VWC2: variants seen among roughly 807,000 people sequenced by gnomAD.
The protein encoded by VWC2 is brorin.
A neutral mutation model predicts 29.8 loss-of-function variants in VWC2; 14 were observed. The observed-to-expected ratio is 0.47, with a 90% CI of 0.31 to 0.74. VWC2 has a LOEUF of 0.74. Among genes scored for constraint, VWC2 ranks in the 30% least tolerant of loss-of-function variants. The probability of loss-of-function intolerance (pLI) is 0.05; values close to 1 mark genes in which losing one functional copy is unlikely to be tolerated. For missense variants in VWC2, 457 were observed against 459.8 expected (o/e 0.99, Z 0.05); for synonymous variants, 213 against 199.0 (o/e 1.07, Z -0.59).
intron 3 of VWC2, among the ~76,000 whole-genome samples, chr7:49,870,643 A>G (rs1791110568): frequency 6.6e-6 from 1 of 152,212 alleles, no homozygotes; most frequent in Admixed American, 6.5e-5. Flanking sequence ...TCACATGTGC[A>G]TCAGGAAGGC....
intron 3 of VWC2, among the ~76,000 whole-genome samples, chr7:49,828,131 T>A (rs1167496719): frequency 6.6e-6 from 1 of 152,192 alleles, no homozygotes; most frequent in East Asian, 1.9e-4. Context: ...ATGAGATGTT[T>A]TATATCTGGC....
Position 49,775,795 on chromosome 7 carries a change from G to C in VWC2, c.360G>C (p.Ala120=), listed in dbSNP as rs994409557. 1.3e-6 allele frequency: 2 copies of C among 1,532,866 alleles called. No individual in the cohort carries two copies. Among genetic ancestry groups the C allele is most frequent in the Non-Finnish European group, 1.8e-6 (2 of 1,140,034 alleles). 95.0% of individuals were successfully genotyped at this position (1,532,866 alleles called of 1,614,324 possible). A position where few individuals can be genotyped will look rare whatever the true frequency, so the allele number is the denominator to read the frequency against. ...QVRPRGDTPQ[A]EALAAAAQDA... ...GGCCCCGCGGGGACACCCCGCAGGC[G>C]GAAGCCCTGGCCGCAGCCGCCCAGG... The change falls in exon 2 of 4, where the codon GCG becomes GCC. Residue 120 remains alanine, a synonymous_variant. Transcript: ENST00000340652.
At chr7:49,789,267 G>A (rs1788404200) in intron 2 of VWC2, among the ~76,000 whole-genome samples, 1 of 144,776 alleles carries the variant, frequency 6.9e-6, no homozygotes, top group Non-Finnish European at 1.5e-5. Context: ...GGGTGTGTGT[G>A]AGCGGGTGTG....
rs1281292067 is a variant in VWC2 at position 49,913,714 on chromosome 7, C to G, written c.*1529C>G. ...TATTAGGAGCCAAACTAGAGACCAGCAAATGGAGATTAGAAAGCCTTCCTA... is the reference window on the plus strand; with the variant it reads ...TATTAGGAGCCAAACTAGAGACCAGGAAATGGAGATTAGAAAGCCTTCCTA... On this transcript the variant is annotated 3_prime_UTR_variant, in exon 4 of 4. Coordinates refer to ENST00000340652, the MANE Select transcript of VWC2 (RefSeq NM_198570.5). The G allele has an allele frequency of 1.3e-5, 2 of 151,934 alleles. No individual in the cohort carries two copies. Among genetic ancestry groups the G allele is most frequent in the East Asian group, 1.9e-4 (1 of 5,184 alleles). 9.4% of individuals were successfully genotyped at this position (151,934 alleles called of 1,614,324 possible). A position where few individuals can be genotyped will look rare whatever the true frequency, so the allele number is the denominator to read the frequency against.
rs369229873 is a variant in VWC2 at position 49,823,314 on chromosome 7, G to C, written c.826+20474G>C. Among the ~76,000 whole-genome samples the C allele has an allele frequency of 5.3e-4, 80 of 152,242 alleles. 1 individual carries two copies. In the South Asian group the frequency reaches 0.011, roughly 21 times the overall value. On this transcript the variant is annotated intron_variant, in intron 3 of 3. Transcript: ENST00000340652. ...GCATCCAGGGACAGGGTAAAAGCAA[G>C]CTGGAATTATACAACCACGAAATGT... is the stretch of plus-strand genomic sequence containing the variant.
At chr7:49,838,847 A>C (rs974973307) in intron 3 of VWC2, among the ~76,000 whole-genome samples, 3 of 152,164 alleles carry the variant, frequency 2.0e-5, no homozygotes, top group Non-Finnish European at 1.5e-5. Flanking sequence ...CAAGGCTGAG[A>C]GGTGATATAT....
intron 2 of VWC2, among the ~76,000 whole-genome samples, chr7:49,781,535 C>T (rs572642771): frequency 1.3e-5 from 2 of 151,678 alleles, no homozygotes; most frequent in South Asian, 2.1e-4. Flanking sequence ...AACTAAGGTC[C>T]GAAAAAGTTA....
chr7:49,888,618 A>G (rs1477625095), intron 3 of VWC2, among the ~76,000 whole-genome samples: 2 of 152,096 alleles, frequency 1.3e-5, no homozygotes, highest in Admixed American at 1.3e-4. Flanking sequence ...GTGTTTATGA[A>G]GTGCACCTTT....
intron 2 of VWC2, among the ~76,000 whole-genome samples, chr7:49,779,175 C>A (rs376438214): frequency 6.6e-6 from 1 of 152,166 alleles, no homozygotes; most frequent in Non-Finnish European, 1.5e-5. Flanking sequence ...TATTTGGCTC[C>A]GGCAGGAGTG....
At chr7:49,825,804 T>C (rs1210876387) in intron 3 of VWC2, among the ~76,000 whole-genome samples, 7 of 152,228 alleles carry the variant, frequency 4.6e-5, no homozygotes, top group African/African-American at 1.7e-4. Context: ...CCTTTAATGA[T>C]AGACTCTTCT....
At chr7:49,841,589 T>C (rs1300559255) in intron 3 of VWC2, among the ~76,000 whole-genome samples, 1 of 152,220 alleles carries the variant, frequency 6.6e-6, no homozygotes, top group Non-Finnish European at 1.5e-5. Context: ...CTAAAATGCT[T>C]TGGACGTGGA....
intron 3 of VWC2, among the ~76,000 whole-genome samples, chr7:49,869,136 A>G (rs1791030390): frequency 6.6e-6 from 1 of 152,234 alleles, no homozygotes; most frequent in African/African-American, 2.4e-5. Flanking sequence ...AACACTAGTT[A>G]TGTGCTTAAA....
chr7:49,813,745 T>G (rs938864185), intron 3 of VWC2, among the ~76,000 whole-genome samples: 1 of 152,192 alleles, frequency 6.6e-6, no homozygotes, highest in Non-Finnish European at 1.5e-5. Flanking sequence ...ACATGGCTGT[T>G]GAATGGCAAA....
chr7:49,854,091 C>T (rs1790314185), intron 3 of VWC2, among the ~76,000 whole-genome samples: 1 of 152,052 alleles, frequency 6.6e-6, no homozygotes, highest in Non-Finnish European at 1.5e-5. Flanking sequence ...ATATGTGCCA[C>T]ATTTTCTTAA....
intron 3 of VWC2, among the ~76,000 whole-genome samples, chr7:49,833,705 G>T (rs1027519150): frequency 2.6e-5 from 4 of 152,108 alleles, no homozygotes; most frequent in African/African-American, 9.7e-5. Flanking sequence ...AATGTTAGAA[G>T]ATCACTCATT....
intron 3 of VWC2, among the ~76,000 whole-genome samples, chr7:49,899,527 A>T (rs538313378): frequency 6.6e-5 from 10 of 152,158 alleles, no homozygotes; most frequent in Admixed American, 6.5e-4. Context: ...AAGTAGCTAT[A>T]TTAATTTCTG....
chr7:49,777,320 C>G (rs1179651694), intron 2 of VWC2, among the ~76,000 whole-genome samples: 1 of 152,134 alleles, frequency 6.6e-6, no homozygotes, highest in East Asian at 1.9e-4. Context: ...GATGTGAAGC[C>G]CATGTAATTA....
At chr7:49,775,026 G>T (rs1417199385) in intron 1 of VWC2, among the ~76,000 whole-genome samples, 3 of 152,234 alleles carry the variant, frequency 2.0e-5, no homozygotes, top group Admixed American at 2.0e-4. Flanking sequence ...AGCTTTGCAG[G>T]GGGGCGCGGG....
intron 3 of VWC2, among the ~76,000 whole-genome samples, chr7:49,835,705 G>C (rs1214592547): frequency 6.6e-6 from 1 of 152,164 alleles, no homozygotes; most frequent in East Asian, 1.9e-4. Flanking sequence ...TTTGTGTTGC[G>C]TCCACGTGCA....
Sources: allele counts gnomAD v4.1 joint callset (sites outside exome capture counted in the v4.1 genomes callset), GRCh38; gene constraint gnomAD v4.1.1; transcripts MANE v1.5; gene names NCBI Gene and HGNC (gene_info 2026-07-23, HGNC 2026-07-21).